DIP2C: variants seen among roughly 807,000 people sequenced by gnomAD.
DIP2C encodes DIP2 acetate--CoA ligase C (putative), also known as disco-interacting protein 2 homolog C.
A neutral mutation model predicts 192.4 loss-of-function variants in DIP2C; 33 were observed. The ratio of observed to expected loss-of-function variants is 0.17; its 90% CI spans 0.13 to 0.23. The LOEUF is 0.23. Among genes scored for constraint, DIP2C ranks in the 10% least tolerant of loss-of-function variants. The pLI is 1.00. For missense variants in DIP2C, 1,537 were observed against 2,110.1 expected (o/e 0.73, Z 5.32); for synonymous variants, 979 against 864.1 (o/e 1.13, Z -2.33).
Position 460,849 on chromosome 10 carries a change from C to T in DIP2C, c.268+11590G>A, listed in dbSNP as rs188874477. On this transcript the variant is annotated intron_variant, in intron 3 of 36. Coordinates refer to ENST00000280886, the MANE Select transcript of DIP2C (RefSeq NM_014974.3). The stretch of plus-strand genomic sequence containing the variant: ...AAAGGGAAGCTCATCAGACTAACAG[C>T]GGATCTCTCTGCAGAAACCCGACAT... Among the ~76,000 whole-genome samples, 248 of 152,256 alleles carry T rather than the reference C, an allele frequency of 1.6e-3. 1 individual carries two copies. The highest frequency in any genetic ancestry group is 5.4e-3 in the African/African-American group (226 of 41,542).
intron 29 of DIP2C, among the ~76,000 whole-genome samples, chr10:330,812 ATTTT>A (rs56343363): frequency 1.1e-4 from 15 of 133,386 alleles, no homozygotes; most frequent in African/African-American, 3.4e-4. Flanking sequence ...AACCTACACA[ATTTT>A]TTTTTTTTTT....
intron 28 of DIP2C, among the ~76,000 whole-genome samples, chr10:343,804 A>G (rs1958277796): frequency 6.6e-6 from 1 of 152,210 alleles, no homozygotes. Context: ...AGCTTAGCAA[A>G]TACTAAATAC....
At chr10:445,085 T>TC (rs1440475588) in intron 3 of DIP2C, among the ~76,000 whole-genome samples, 14 of 152,328 alleles carry the variant, frequency 9.2e-5, no homozygotes, top group African/African-American at 2.9e-4. Context: ...GCTACCATCC[T>TC]CCTCCTCCAC....
chr10:674,793 G>T (rs201996433), intron 1 of DIP2C, among the ~76,000 whole-genome samples: 11,498 of 32,578 alleles, frequency 0.35, 769 homozygotes, highest in Non-Finnish European at 0.42. Context: ...TATATATAGA[G>T]AGAGAGAGAG....
At chr10:491,292 A>AGT (rs1411272043) in intron 1 of DIP2C, among the ~76,000 whole-genome samples, 1 of 152,242 alleles carries the variant, frequency 6.6e-6, no homozygotes. Context: ...TTCCATGTGC[A>AGT]GTGTCAGGAG....
intron 1 of DIP2C, among the ~76,000 whole-genome samples, chr10:546,584 G>A (rs944683247): frequency 2.0e-5 from 3 of 152,216 alleles, no homozygotes; most frequent in Non-Finnish European, 4.4e-5. Flanking sequence ...GGTATTCTCT[G>A]CTGCCAAATG....
chr10:624,812 G>A (rs1172494738), intron 1 of DIP2C, among the ~76,000 whole-genome samples: 1 of 152,178 alleles, frequency 6.6e-6, no homozygotes, highest in African/African-American at 2.4e-5. Context: ...AGCTCACCTG[G>A]GGCACCCACG....
chr10:435,111 C>G (rs939895043), intron 4 of DIP2C, among the ~76,000 whole-genome samples: 37 of 152,172 alleles, frequency 2.4e-4, no homozygotes, highest in African/African-American at 8.9e-4. Context: ...TATTACCGTT[C>G]CGCATAATTT....
intron 2 of DIP2C, among the ~76,000 whole-genome samples, chr10:475,911 G>A (rs1279083789): frequency 6.6e-6 from 1 of 152,184 alleles, no homozygotes; most frequent in Non-Finnish European, 1.5e-5. Context: ...AACCAAGCAT[G>A]GCTGCTGGAA....
chr10:615,308 A>G (rs1326199242), intron 1 of DIP2C, among the ~76,000 whole-genome samples: 1 of 152,144 alleles, frequency 6.6e-6, no homozygotes, highest in Non-Finnish European at 1.5e-5. Flanking sequence ...GATGTTATCA[A>G]ATCACCAAGC....
intron 3 of DIP2C, among the ~76,000 whole-genome samples, chr10:462,645 A>G (rs1261830186): frequency 9.2e-5 from 14 of 152,214 alleles, no homozygotes; most frequent in Non-Finnish European, 2.1e-4. Context: ...AAACAATAGA[A>G]AAGAGGGGCT....
chr10:638,304 T>C (rs779672117), intron 1 of DIP2C, among the ~76,000 whole-genome samples: 1 of 152,236 alleles, frequency 6.6e-6, no homozygotes, highest in Non-Finnish European at 1.5e-5. Context: ...ATGTGTTTGA[T>C]GAATAAATGA....
rs932550179 is a variant in DIP2C, at chr10:276,902, A to T, written c.*423T>A. On this transcript the variant is annotated 3_prime_UTR_variant, in exon 37 of 37. Coordinates refer to ENST00000280886, the MANE Select transcript of DIP2C (RefSeq NM_014974.3). ...TGTCATTAAGATTTCATGACACATT[A>T]AAACAGAGAAAACAATTCTTTGTCA... The T allele has an allele frequency of 3.0e-5, 5 of 169,482 alleles. No homozygotes were observed. The East Asian group carries it at 8.3e-4, about 28-fold the overall frequency. 10.5% of individuals were successfully genotyped at this position (169,482 alleles called of 1,614,324 possible). A position where few individuals can be genotyped will look rare whatever the true frequency, so the allele number is the denominator to read the frequency against.
chr10:390,499 TCA>T, intron 11 of DIP2C, 126 bp from the exon 12 acceptor site: 1 of 1,093,874 alleles, frequency 9.1e-7, no homozygotes, highest in South Asian at 1.4e-5. Flanking sequence ...TCTCCGGACT[TCA>T]CGAGATCTAA....
intron 17 of DIP2C, among the ~76,000 whole-genome samples, chr10:371,674 CTG>C (rs1417954550): frequency 2.9e-5 from 3 of 104,162 alleles, no homozygotes; most frequent in African/African-American, 1.5e-4. Flanking sequence ...CTGGGCTGAG[CTG>C]AGCAGCACCC....
chr10:575,932 T>C (rs759532130), intron 1 of DIP2C, among the ~76,000 whole-genome samples: 2 of 152,166 alleles, frequency 1.3e-5, no homozygotes, highest in Non-Finnish European at 2.9e-5. Flanking sequence ...CTTTCAGGAT[T>C]TCAGTGGTTT....
intron 22 of DIP2C, among the ~76,000 whole-genome samples, chr10:360,391 G>A (rs992453601): frequency 7.9e-5 from 12 of 152,310 alleles, no homozygotes; most frequent in Middle Eastern, 3.4e-3. Context: ...ATCCCAAAAC[G>A]TGTGTATTTG....
rs757161597 is a variant in DIP2C, at chr10:344,814, C to T, written c.3448G>A (p.Val1150Ile). 10 of 1,586,052 alleles carry T rather than the reference C, an allele frequency of 6.3e-6. No homozygotes were observed. The East Asian group carries it at 6.8e-5, about 11-fold the overall frequency. The change falls in exon 28 of 37, where the codon GTA becomes ATA. Residue 1150 changes from valine (V) to isoleucine (I), a missense_variant. This residue lies in a region of DIP2C where 341 missense variants were observed against 551.7 expected (regional missense o/e 0.62). Coordinates refer to ENST00000280886, the MANE Select transcript of DIP2C (RefSeq NM_014974.3). ...SVSTTGMLAG[V>I]KMSHAATSAF... is the part of the protein sequence containing the mutation. Reference sequence around the variant, plus strand: ...CCCGCAGCCACCCCCCTCACCTTTACGCCAGCTAGCATCCCAGTTGTGGAC... The same window carrying T: ...CCCGCAGCCACCCCCCTCACCTTTATGCCAGCTAGCATCCCAGTTGTGGAC...
At chr10:522,169 T>C (rs1439969488) in intron 1 of DIP2C, among the ~76,000 whole-genome samples, 2 of 152,208 alleles carry the variant, frequency 1.3e-5, no homozygotes, top group African/African-American at 2.4e-5. Flanking sequence ...GTCCTGTCGT[T>C]GGACTCAGAC....
Sources: gnomAD v4.1 joint callset for allele counts (sites outside exome capture counted in the v4.1 genomes callset) on GRCh38, gnomAD v4.1.1 for gene constraint, gnomAD v4.1.1 regional missense constraint, MANE v1.5 for transcripts, NCBI Gene and HGNC (gene_info 2026-07-23, HGNC 2026-07-21) for gene names.